TMEM117: variants seen among roughly 807,000 people sequenced by gnomAD.
The protein encoded by TMEM117 is transmembrane protein 117.
In TMEM117, 27 loss-of-function variants were observed where a neutral mutation model predicts 52.4. The observed-to-expected ratio is 0.51, with a 90% CI of 0.38 to 0.71. The LOEUF is 0.71. TMEM117 is among the 30% of genes least tolerant of loss of function. TMEM117 has a pLI of 0.00. For missense variants in TMEM117, 556 were observed against 630.5 expected, an observed-to-expected ratio of 0.88 and a Z score of 1.26; for synonymous variants, 215 against 206.3, an observed-to-expected ratio of 1.04 and a Z score of -0.36.
intron 5 of TMEM117, among the ~76,000 whole-genome samples, chr12:44,226,994 T>A (rs1202694829): frequency 6.6e-6 from 1 of 152,122 alleles, no homozygotes; most frequent in Non-Finnish European, 1.5e-5. Context: ...ATTTTTTTTT[T>A]AAATAAGGAG....
chr12:43,875,642 G>T (rs559578887), intron 2 of TMEM117, among the ~76,000 whole-genome samples: 2 of 152,230 alleles, frequency 1.3e-5, no homozygotes, highest in Admixed American at 6.5e-5. Context: ...TGGTTGGATT[G>T]ATTATCTAGC....
intron 3 of TMEM117, among the ~76,000 whole-genome samples, chr12:44,090,849 G>GTTTTTTTTTTTTTTT (rs541939145): frequency 2.2e-4 from 22 of 101,630 alleles, no homozygotes; most frequent in African/African-American, 7.7e-4. Context: ...GTTTTTTTTT[G>GTTTTTTTTTTTTTTT]TTTTTTTTTT....
chr12:44,137,640 A>G (rs1462423887), intron 3 of TMEM117, among the ~76,000 whole-genome samples: 3 of 152,150 alleles, frequency 2.0e-5, no homozygotes, highest in South Asian at 2.1e-4. Context: ...GGAGCAAGTC[A>G]CATCTTACGT....
intron 1 of TMEM117, among the ~76,000 whole-genome samples, chr12:43,837,784 C>G (rs891705959): frequency 1.1e-4 from 17 of 152,200 alleles, no homozygotes; most frequent in African/African-American, 4.1e-4. Flanking sequence ...TTTCTCTGTT[C>G]AGAGGACCCC....
intron 2 of TMEM117, among the ~76,000 whole-genome samples, chr12:43,933,902 T>A (rs1248150423): frequency 6.6e-6 from 1 of 152,196 alleles, no homozygotes; most frequent in Non-Finnish European, 1.5e-5. Flanking sequence ...TCAGGAAATA[T>A]TTTGTTTACT....
the TMEM117 span, chr12:43,798,621 TA>T: frequency 0.19 from 218,586 of 1,167,544 alleles, 1 homozygote; most frequent in East Asian, 0.26. Context: ...ATCAAACTCG[TA>T]AAAAAAAAAA....
rs780718874 is a variant in TMEM117 at position 43,922,676 on chromosome 12, A to G, written c.278-21534A>G. On this transcript the variant is annotated intron_variant, in intron 2 of 7. Transcript: ENST00000266534. ...AAGTTATTTGAATCTCTTCATTGTA[A>G]CTTCACACAACATAGGTAGTTTGCA... is the stretch of plus-strand genomic sequence containing the variant. 1.1e-4 allele frequency among the ~76,000 whole-genome samples: 17 copies of G among 152,232 alleles called. 1 individual carries two copies. The highest frequency in any genetic ancestry group is 2.1e-4 in the Non-Finnish European group (14 of 68,006).
intron 3 of TMEM117, among the ~76,000 whole-genome samples, chr12:43,961,748 C>T (rs950757047): frequency 2.4e-4 from 37 of 151,992 alleles, no homozygotes; most frequent in African/African-American, 8.2e-4. Flanking sequence ...TGTGTGTATT[C>T]GTTATCTAGA....
chr12:43,961,689 G>A (rs1022519103), intron 3 of TMEM117, among the ~76,000 whole-genome samples: 2 of 152,158 alleles, frequency 1.3e-5, no homozygotes, highest in African/African-American at 4.8e-5. Flanking sequence ...AATTATGGAT[G>A]ATAGCATGGG....
intron 2 of TMEM117, among the ~76,000 whole-genome samples, chr12:43,897,223 A>G (rs1258269887): frequency 1.3e-5 from 2 of 152,016 alleles, no homozygotes; most frequent in African/African-American, 4.8e-5. Context: ...TGCTTTCTTG[A>G]AATGTTTCCT....
chr12:43,955,249 G>A (rs1336930764), intron 3 of TMEM117, among the ~76,000 whole-genome samples: 1 of 152,150 alleles, frequency 6.6e-6, no homozygotes, highest in Non-Finnish European at 1.5e-5. Context: ...AGGATGCCCT[G>A]TCTCACTACT....
At chr12:43,977,423 G>T (rs1176995680) in intron 3 of TMEM117, among the ~76,000 whole-genome samples, 1 of 152,126 alleles carries the variant, frequency 6.6e-6, no homozygotes, top group Non-Finnish European at 1.5e-5. Context: ...ACCTGAGGGG[G>T]TATGAACACA....
intron 3 of TMEM117, among the ~76,000 whole-genome samples, chr12:44,072,513 G>T (rs77269170): frequency 0.035 from 5,325 of 152,258 alleles, 231 homozygotes; most frequent in African/African-American, 0.1. Flanking sequence ...GACACACTAA[G>T]TCCACACTGA....
intron 3 of TMEM117, among the ~76,000 whole-genome samples, chr12:44,122,048 C>CTTTTTT (rs201865850): frequency 1.4e-5 from 2 of 138,814 alleles, no homozygotes; most frequent in African/African-American, 5.4e-5. Flanking sequence ...CTTTTCTTTT[C>CTTTTTT]TTTTTTTTTT....
At chr12:43,807,393 GTT>G in the TMEM117 span, among the ~76,000 whole-genome samples, 1 of 152,118 alleles carries the variant, frequency 6.6e-6, no homozygotes, top group African/African-American at 2.4e-5. Flanking sequence ...TCTGAGCTCT[GTT>G]TTTCAGACAT....
intron 2 of TMEM117, among the ~76,000 whole-genome samples, chr12:43,877,431 C>G (rs538239246): frequency 2.1e-4 from 32 of 151,916 alleles, no homozygotes; most frequent in African/African-American, 7.2e-4. Context: ...GTCAGGAGTT[C>G]GAGACCAGCC....
At chr12:43,948,473 T>G (rs1016787151) in intron 3 of TMEM117, among the ~76,000 whole-genome samples, 1 of 151,880 alleles carries the variant, frequency 6.6e-6, no homozygotes, top group Non-Finnish European at 1.5e-5. Flanking sequence ...ACCCGGCTAA[T>G]TTTTTGTATT....
At chr12:43,897,177 A>G (rs1343633438) in intron 2 of TMEM117, among the ~76,000 whole-genome samples, 1 of 152,178 alleles carries the variant, frequency 6.6e-6, no homozygotes, top group Non-Finnish European at 1.5e-5. Context: ...CATTTTCCTC[A>G]GTCTCTCACC....
chr12:44,305,401 C>T (rs1302105965), intron 6 of TMEM117, among the ~76,000 whole-genome samples: 2 of 151,918 alleles, frequency 1.3e-5, no homozygotes, highest in Non-Finnish European at 2.9e-5. Flanking sequence ...GCAAACTATA[C>T]ATCCAACAGA....
Sources: allele counts gnomAD v4.1 joint callset (sites outside exome capture counted in the v4.1 genomes callset), GRCh38; gene constraint gnomAD v4.1.1; transcripts MANE v1.5; gene names NCBI Gene and HGNC (gene_info 2026-07-23, HGNC 2026-07-21).